The following KCNIP4 variants were observed in gnomAD, a reference collection of about 807,000 sequenced individuals.
KCNIP4 encodes Kv channel-interacting protein 4.
In KCNIP4, 12 loss-of-function variants were observed where a neutral mutation model predicts 34.0. The observed-to-expected ratio is 0.35, with a 90% CI of 0.23 to 0.57. The LOEUF is 0.57. Among genes scored for constraint, KCNIP4 ranks in the 20% least tolerant of loss-of-function variants. KCNIP4 has a pLI of 0.83. For synonymous variants in KCNIP4, 124 were observed against 102.2 expected (o/e 1.21, Z -1.29); for missense variants, 238 against 311.7 (o/e 0.76, Z 1.78).
intron 1 of KCNIP4, among the ~76,000 whole-genome samples, chr4:21,585,689 A>G (rs1474470649): frequency 4.6e-5 from 7 of 152,058 alleles, no homozygotes; most frequent in Admixed American, 4.6e-4. Context: ...TGAATATGTG[A>G]TAGAAGTCTT....
intron 1 of KCNIP4, among the ~76,000 whole-genome samples, chr4:21,436,333 A>G (rs1467751349): frequency 6.6e-6 from 1 of 152,214 alleles, no homozygotes; most frequent in Non-Finnish European, 1.5e-5. Context: ...AATGCTTGAT[A>G]AAGTTACTTA....
intron 1 of KCNIP4, among the ~76,000 whole-genome samples, chr4:21,373,877 G>A (rs1720722428): frequency 6.8e-6 from 1 of 146,354 alleles, no homozygotes; most frequent in African/African-American, 2.8e-5. Context: ...CAAATTTTTT[G>A]TATTTTTAGT....
At chr4:21,440,927 A>G (rs1341740718) in intron 1 of KCNIP4, among the ~76,000 whole-genome samples, 1 of 152,136 alleles carries the variant, frequency 6.6e-6, no homozygotes, top group African/African-American at 2.4e-5. Flanking sequence ...TAATAAATAT[A>G]AAATATTTTT....
chr4:21,333,523 T>C (rs1490554378), intron 1 of KCNIP4, among the ~76,000 whole-genome samples: 1 of 152,040 alleles, frequency 6.6e-6, no homozygotes, highest in Non-Finnish European at 1.5e-5. Context: ...GAAAAGCAAG[T>C]TTCTCAAAGT....
intron 1 of KCNIP4, chr4:21,582,170 T>G (rs191166856): frequency 2.8e-4 from 42 of 151,696 alleles, no homozygotes; most frequent in Admixed American, 1.6e-3. Flanking sequence ...AGTATGTACA[T>G]GTGTGTGTGC....
intron 1 of KCNIP4, among the ~76,000 whole-genome samples, chr4:21,864,457 A>G (rs972816614): frequency 6.6e-6 from 1 of 152,214 alleles, no homozygotes; most frequent in Non-Finnish European, 1.5e-5. Flanking sequence ...TGGACATGAT[A>G]ATGCCCTATA....
At chr4:21,504,553 A>G (rs1202985553) in intron 1 of KCNIP4, among the ~76,000 whole-genome samples, 1 of 151,946 alleles carries the variant, frequency 6.6e-6, no homozygotes, top group Admixed American at 6.6e-5. Flanking sequence ...AAGCAAGAAA[A>G]GAAAGAAAGG....
intron 1 of KCNIP4, among the ~76,000 whole-genome samples, chr4:21,594,425 A>G (rs1202782142): frequency 1.3e-5 from 2 of 152,150 alleles, no homozygotes; most frequent in South Asian, 2.1e-4. Flanking sequence ...GCTTAATTTC[A>G]TAACACTTTT....
intron 1 of KCNIP4, among the ~76,000 whole-genome samples, chr4:20,976,979 A>T (rs1386031628): frequency 1.3e-5 from 2 of 151,904 alleles, no homozygotes; most frequent in African/African-American, 4.8e-5. Flanking sequence ...GATTACAGGC[A>T]TGCACCACCA....
chr4:20,828,923 T>A (rs1305540045), intron 3 of KCNIP4, among the ~76,000 whole-genome samples: 3 of 152,144 alleles, frequency 2.0e-5, no homozygotes, highest in African/African-American at 7.2e-5. Context: ...AAGGAGAAAA[T>A]ACCCTAAAGA....
intron 1 of KCNIP4, among the ~76,000 whole-genome samples, chr4:20,900,475 T>G (rs977229536): frequency 6.6e-6 from 1 of 152,266 alleles, no homozygotes; most frequent in Non-Finnish European, 1.5e-5. Flanking sequence ...GTTTAATGAA[T>G]GCATCATTGT....
At chr4:21,433,211 A>G (rs1210965024) in intron 1 of KCNIP4, among the ~76,000 whole-genome samples, 2 of 152,246 alleles carry the variant, frequency 1.3e-5, no homozygotes, top group East Asian at 3.9e-4. Context: ...AGCTTGAAAT[A>G]TACATACGTA....
intron 1 of KCNIP4, among the ~76,000 whole-genome samples, chr4:20,929,551 G>A (rs1476307600): frequency 1.3e-5 from 2 of 151,800 alleles, no homozygotes; most frequent in African/African-American, 2.4e-5. Context: ...TCAGACCAGA[G>A]AAAGAAATAA....
chr4:21,137,262 A>ATG (rs1560754616), intron 1 of KCNIP4, among the ~76,000 whole-genome samples: 24 of 151,900 alleles, frequency 1.6e-4, no homozygotes, highest in Non-Finnish European at 2.2e-4. Flanking sequence ...AAATGACAGA[A>ATG]GAAGCAACCC....
intron 1 of KCNIP4, among the ~76,000 whole-genome samples, chr4:21,525,155 A>G (rs562640161): frequency 1.3e-5 from 2 of 152,320 alleles, no homozygotes; most frequent in East Asian, 3.9e-4. Context: ...TCTCAAAAAG[A>G]GACTTCTATG....
chr4:21,563,186 C>T (rs1281201976), intron 1 of KCNIP4, among the ~76,000 whole-genome samples: 1 of 151,910 alleles, frequency 6.6e-6, no homozygotes, highest in African/African-American at 2.4e-5. Context: ...GTATTTCCCA[C>T]AAGCACATTT....
At chr4:21,008,492 A>G in intron 1 of KCNIP4, among the ~76,000 whole-genome samples, 1 of 152,006 alleles carries the variant, frequency 6.6e-6, no homozygotes, top group East Asian at 1.9e-4. Flanking sequence ...ATGTGACTTC[A>G]TCTTGCAGCT....
intron 1 of KCNIP4, among the ~76,000 whole-genome samples, chr4:21,740,777 G>A (rs533311212): frequency 1.3e-5 from 2 of 152,200 alleles, no homozygotes; most frequent in South Asian, 2.1e-4. Context: ...GACTTAGCAG[G>A]TGTTCAATAA....
chr4:21,019,420 A>G (rs906856222), intron 1 of KCNIP4, among the ~76,000 whole-genome samples: 4 of 152,164 alleles, frequency 2.6e-5, no homozygotes, highest in African/African-American at 9.7e-5. Flanking sequence ...TGCCTCGCAA[A>G]GTGCTGGGAT....
Sources: gnomAD v4.1 joint callset for allele counts (sites outside exome capture counted in the v4.1 genomes callset) on GRCh38, gnomAD v4.1.1 for gene constraint, MANE v1.5 for transcripts, NCBI Gene and HGNC (gene_info 2026-07-23, HGNC 2026-07-21) for gene names.